The following PCDH15 variants were observed in gnomAD, a reference collection of about 807,000 sequenced individuals.
PCDH15 encodes the protein protocadherin-15.
A neutral mutation model predicts 178.5 loss-of-function variants in PCDH15; 129 were observed. The ratio of observed to expected loss-of-function variants is 0.72; its 90% CI spans 0.63 to 0.84. PCDH15 has a LOEUF of 0.84. PCDH15 is among the 40% of genes least tolerant of loss of function. The pLI is 0.00. For synonymous variants in PCDH15, 800 were observed against 732.0 expected (o/e 1.09, Z -1.50); for missense variants, 2,230 against 2,099.9 (o/e 1.06, Z -1.21).
chr10:54,515,168 G>A (rs1013742513), intron 3 of PCDH15, among the ~76,000 whole-genome samples: 1 of 152,236 alleles, frequency 6.6e-6, no homozygotes, highest in Non-Finnish European at 1.5e-5. Context: ...AGCCAAAGCA[G>A]GGAGAGGCAT....
At chr10:55,026,914 A>G (rs1164442234) in intron 2 of PCDH15, among the ~76,000 whole-genome samples, 1 of 152,000 alleles carries the variant, frequency 6.6e-6, no homozygotes, top group Non-Finnish European at 1.5e-5. Flanking sequence ...TGTTTTGGAA[A>G]GTGTGTATAT....
rs1188724240 is a variant in PCDH15 at position 54,332,367 on chromosome 10, T to C, written c.595-2661A>G. 2.8e-5 allele frequency among the ~76,000 whole-genome samples: 3 copies of C among 108,958 alleles called. 1 individual carries two copies. Among genetic ancestry groups the C allele is most frequent in the African/African-American group, 1.1e-4 (3 of 27,894 alleles). The allele number at this position is 108,958 out of a possible 152,430, so 71.5% of individuals were successfully genotyped here. A position where few individuals can be genotyped will look rare whatever the true frequency, so the allele number is the denominator to read the frequency against. Reference sequence around the variant, plus strand: ...ATATATAATATAATATAATCTATATTATATATATAATATATATATAGTAAA... The same window carrying C: ...ATATATAATATAATATAATCTATATCATATATATAATATATATATAGTAAA... On this transcript the variant is annotated intron_variant, in intron 6 of 37. Coordinates refer to ENST00000644397, the MANE Select transcript of PCDH15 (RefSeq NM_001384140.1).
intron 18 of PCDH15, among the ~76,000 whole-genome samples, chr10:54,035,692 GT>G (rs1334967418): frequency 6.6e-6 from 1 of 151,822 alleles, no homozygotes; most frequent in Non-Finnish European, 1.5e-5. Context: ...ACCCCACTAT[GT>G]ATGGGCTCTA....
chr10:55,372,374 T>G (rs1042197254), intron 2 of PCDH15, among the ~76,000 whole-genome samples: 1 of 152,118 alleles, frequency 6.6e-6, no homozygotes, highest in Non-Finnish European at 1.5e-5. Flanking sequence ...GGGTAAAATC[T>G]TTCACTCTTT....
chr10:55,381,246 T>C (rs1837526487), intron 2 of PCDH15, among the ~76,000 whole-genome samples: 1 of 152,124 alleles, frequency 6.6e-6, no homozygotes, highest in African/African-American at 2.4e-5. Flanking sequence ...ACAGAATCAA[T>C]AGTATCAAAC....
chr10:53,981,204 A>T (rs1384665986), intron 21 of PCDH15, among the ~76,000 whole-genome samples: 2 of 152,216 alleles, frequency 1.3e-5, no homozygotes, highest in Admixed American at 1.3e-4. Flanking sequence ...AAATAGAATA[A>T]TAAGATTTCA....
intron 2 of PCDH15, among the ~76,000 whole-genome samples, chr10:55,127,341 A>T (rs1837927348): frequency 6.6e-6 from 1 of 152,066 alleles, no homozygotes; most frequent in East Asian, 1.9e-4. Flanking sequence ...TATGTTTCAG[A>T]TGTGGAACAC....
chr10:54,031,137 C>A (rs1431893087), intron 18 of PCDH15, among the ~76,000 whole-genome samples: 2 of 152,042 alleles, frequency 1.3e-5, no homozygotes, highest in Admixed American at 1.3e-4. Flanking sequence ...AAATTCCATT[C>A]CCTCACACAG....
chr10:54,281,982 C>A (rs903742965), intron 8 of PCDH15, among the ~76,000 whole-genome samples: 1 of 152,062 alleles, frequency 6.6e-6, no homozygotes, highest in African/African-American at 2.4e-5. Context: ...GTGTTCGAAG[C>A]AAATTTCTTA....
At chr10:54,600,542 C>T in intron 2 of PCDH15, 1 of 579,462 alleles carries the variant, frequency 1.7e-6, no homozygotes, top group East Asian at 4.5e-5. Flanking sequence ...ATGGTGCTAC[C>T]AAATACATCA....
At chr10:54,545,744 T>A (rs2085775142) in intron 2 of PCDH15, among the ~76,000 whole-genome samples, 1 of 152,226 alleles carries the variant, frequency 6.6e-6, no homozygotes, top group South Asian at 2.1e-4. Context: ...TTATATATGT[T>A]TATTAAATCA....
chr10:55,612,667 A>T (rs2132161281), intron 2 of PCDH15, among the ~76,000 whole-genome samples: 1 of 152,358 alleles, frequency 6.6e-6, no homozygotes, highest in Non-Finnish European at 1.5e-5. Context: ...CTCTCAAAGT[A>T]GCAAAACATA....
intron 2 of PCDH15, among the ~76,000 whole-genome samples, chr10:54,535,645 GC>G (rs2132830721): frequency 7.2e-6 from 1 of 139,852 alleles, no homozygotes; most frequent in East Asian, 2.3e-4. Context: ...AGGAGGTGGA[GC>G]TTGCAGTGAG....
rs569573171 is a variant in PCDH15, at chr10:53,988,291, G to T, written c.2868+7358C>A. 1.1e-4 allele frequency among the ~76,000 whole-genome samples: 17 copies of T among 152,212 alleles called. 1 individual carries two copies. The highest frequency in any genetic ancestry group is 7.9e-4 in the Admixed American group (12 of 15,282). On this transcript the variant is annotated intron_variant, in intron 21 of 37. Transcript: ENST00000644397. ...GTTTGATAACTGGGCAACAGATAAG[G>T]TTTCTGCCAGCCCCATGGTACAGCT...
chr10:54,899,711 G>T (rs1954610750), intron 2 of PCDH15, among the ~76,000 whole-genome samples: 1 of 151,954 alleles, frequency 6.6e-6, no homozygotes, highest in African/African-American at 2.4e-5. Flanking sequence ...TAGCTAGGAT[G>T]GTCTCGAACT....
chr10:54,435,575 A>G (rs2075326896), intron 3 of PCDH15, among the ~76,000 whole-genome samples: 2 of 152,244 alleles, frequency 1.3e-5, no homozygotes, highest in African/African-American at 4.8e-5. Flanking sequence ...TTAGCATTAA[A>G]TGTCACACAA....
intron 2 of PCDH15, among the ~76,000 whole-genome samples, chr10:55,049,027 G>C (rs962932467): frequency 6.6e-6 from 1 of 151,900 alleles, no homozygotes; most frequent in African/African-American, 2.4e-5. Flanking sequence ...CTAAGACAGA[G>C]AGACCATTGC....
chr10:54,603,747 C>T (rs1367152818), intron 2 of PCDH15, among the ~76,000 whole-genome samples: 1 of 151,910 alleles, frequency 6.6e-6, no homozygotes, highest in Non-Finnish European at 1.5e-5. Flanking sequence ...GTTGGATTAG[C>T]ATTTAAGACA....
chr10:55,434,056 C>A (rs1838960198), intron 2 of PCDH15, among the ~76,000 whole-genome samples: 1 of 148,064 alleles, frequency 6.8e-6, no homozygotes, highest in African/African-American at 2.5e-5. Flanking sequence ...AAAACAAATT[C>A]TCCGCTTTTT....
Sources: allele counts gnomAD v4.1 joint callset (sites outside exome capture counted in the v4.1 genomes callset), GRCh38; gene constraint gnomAD v4.1.1; transcripts MANE v1.5; gene names NCBI Gene and HGNC (gene_info 2026-07-23, HGNC 2026-07-21).